ROBO2: variants seen among roughly 807,000 people sequenced by gnomAD.
ROBO2 encodes roundabout guidance receptor 2.
In ROBO2, 53 loss-of-function variants were observed where a neutral mutation model predicts 160.8. The ratio of observed to expected loss-of-function variants is 0.33; its 90% CI spans 0.26 to 0.41. The LOEUF is 0.41. Among genes scored for constraint, ROBO2 ranks in the 10% least tolerant of loss-of-function variants. ROBO2 has a pLI of 1.00. For synonymous variants in ROBO2, 664 were observed against 611.7 expected (o/e 1.09, Z -1.26); for missense variants, 1,577 against 1,722.4 (o/e 0.92, Z 1.49).
At chr3:76,381,034 TAAAA>T (rs57061903) in intron 2 of ROBO2, among the ~76,000 whole-genome samples, 9 of 105,452 alleles carry the variant, frequency 8.5e-5, no homozygotes, top group Admixed American at 1.0e-4. Flanking sequence ...GTGAGCGGAC[TAAAA>T]AAAAAAAAAA....
At chr3:77,094,283 T>C (rs181637856) in intron 1 of ROBO2, among the ~76,000 whole-genome samples, 5 of 152,332 alleles carry the variant, frequency 3.3e-5, no homozygotes, top group Non-Finnish European at 7.4e-5. Context: ...CTTTCACTTA[T>C]ATTTTCAAAG....
intron 2 of ROBO2, among the ~76,000 whole-genome samples, chr3:76,818,034 T>G (rs1325996186): frequency 6.6e-6 from 1 of 152,102 alleles, no homozygotes; most frequent in Non-Finnish European, 1.5e-5. Context: ...GATTGTTGGA[T>G]CAAGTGGTAG....
chr3:76,024,937 GTA>G (rs111727329), intron 2 of ROBO2, among the ~76,000 whole-genome samples: 16 of 147,684 alleles, frequency 1.1e-4, no homozygotes, highest in Admixed American at 1.4e-4. Flanking sequence ...GTGTGTGTGC[GTA>G]TATATATATA....
At chr3:77,494,788 C>G (rs6794442) in intron 5 of ROBO2, among the ~76,000 whole-genome samples, 1 of 152,302 alleles carries the variant, frequency 6.6e-6, no homozygotes, top group East Asian at 1.9e-4. Flanking sequence ...AGGCATGTCA[C>G]TCATGGATTG....
chr3:77,474,575 T>C (rs1380959167), intron 2 of ROBO2, among the ~76,000 whole-genome samples: 1 of 152,122 alleles, frequency 6.6e-6, no homozygotes, highest in Non-Finnish European at 1.5e-5. Context: ...CTGTGGTATG[T>C]GCTCTTCTTT....
intron 2 of ROBO2, chr3:77,317,634 C>A (rs1049256719): frequency 3.3e-5 from 15 of 448,942 alleles, no homozygotes; most frequent in Non-Finnish European, 5.6e-5. Flanking sequence ...GCGGCGGGCT[C>A]TGCGGGGGCT....
chr3:76,004,919 C>T (rs2065979636), intron 2 of ROBO2, among the ~76,000 whole-genome samples: 1 of 152,122 alleles, frequency 6.6e-6, no homozygotes, highest in African/African-American at 2.4e-5. Context: ...TGTGTTGAAA[C>T]ATCATCCAAT....
intron 2 of ROBO2, among the ~76,000 whole-genome samples, chr3:77,193,069 T>A: frequency 6.6e-6 from 1 of 152,080 alleles, no homozygotes; most frequent in East Asian, 1.9e-4. Flanking sequence ...AAAATAAGCA[T>A]TCTTTGAATA....
At chr3:75,917,440 A>G (rs1946858281) in intron 1 of ROBO2, among the ~76,000 whole-genome samples, 2 of 152,162 alleles carry the variant, frequency 1.3e-5, no homozygotes, top group East Asian at 3.9e-4. Flanking sequence ...TCTATCATTG[A>G]TGGGCATTAT....
chr3:76,208,215 A>G (rs1362728237), intron 2 of ROBO2, among the ~76,000 whole-genome samples: 2 of 152,090 alleles, frequency 1.3e-5, no homozygotes, highest in Admixed American at 6.6e-5. Flanking sequence ...GTATTTCCTT[A>G]TAGTGGTGCG....
chr3:76,446,670 A>G (rs2077199338), intron 2 of ROBO2, among the ~76,000 whole-genome samples: 1 of 152,238 alleles, frequency 6.6e-6, no homozygotes, highest in Non-Finnish European at 1.5e-5. Context: ...CCAAAGCAGC[A>G]TGGTACTGGT....
intron 2 of ROBO2, among the ~76,000 whole-genome samples, chr3:77,103,190 C>A (rs1404376742): frequency 6.6e-6 from 1 of 152,116 alleles, no homozygotes; most frequent in Non-Finnish European, 1.5e-5. Context: ...CCCCAGGTGG[C>A]AAATAGATGA....
chr3:76,983,686 T>C (rs1280371910), intron 2 of ROBO2, among the ~76,000 whole-genome samples: 2 of 152,222 alleles, frequency 1.3e-5, no homozygotes, highest in Non-Finnish European at 2.9e-5. Flanking sequence ...GTACCTATTA[T>C]ATGATAGACA....
intron 5 of ROBO2, among the ~76,000 whole-genome samples, chr3:77,494,918 G>T (rs1359134867): frequency 6.6e-6 from 1 of 152,164 alleles, no homozygotes; most frequent in Non-Finnish European, 1.5e-5. Context: ...TATGTAGTGG[G>T]GAAAGTCATC....
In ROBO2 at chr3:77,006,305, TTGTGTGTGTG is replaced by T. The variant is rs60754546; in HGVS notation, c.110-91681_110-91672del. On this transcript the variant is annotated intron_variant, in intron 2 of 26. Transcript: ENST00000487694. ...AATGTTGATAATAGAATTTTAATAT[TTGTGTGTGTG>T]TGTGTGTGTGTGTGTGTGTGTGTGT... Among the ~76,000 whole-genome samples, 1,007 of 143,966 alleles carry T rather than the reference TTGTGTGTGTG, an allele frequency of 7.0e-3. 16 individuals are homozygous for T. The highest frequency in any genetic ancestry group is 0.024 in the African/African-American group (926 of 38,782). 94.4% of individuals were successfully genotyped at this position (143,966 alleles called of 152,430 possible). A position where few individuals can be genotyped will look rare whatever the true frequency, so the allele number is the denominator to read the frequency against.
chr3:77,536,240 G>T (rs77907884), intron 6 of ROBO2, among the ~76,000 whole-genome samples: 2,934 of 152,216 alleles, frequency 0.019, 89 homozygotes, highest in African/African-American at 0.065. Context: ...AGAAGCAGGT[G>T]GGGGGAATGT....
chr3:76,559,539 A>G (rs559425247), intron 2 of ROBO2, among the ~76,000 whole-genome samples: 14 of 152,216 alleles, frequency 9.2e-5, no homozygotes, highest in African/African-American at 3.1e-4. Flanking sequence ...AAGACGAGTC[A>G]CCATTTGGCT....
At chr3:77,551,403 C>G (rs1309629865) in intron 8 of ROBO2, among the ~76,000 whole-genome samples, 1 of 152,024 alleles carries the variant, frequency 6.6e-6, no homozygotes, top group Non-Finnish European at 1.5e-5. Context: ...GTTAGCTAAT[C>G]ACATTAGGAC....
chr3:76,214,778 C>A (rs1703390823), intron 2 of ROBO2, among the ~76,000 whole-genome samples: 1 of 152,222 alleles, frequency 6.6e-6, no homozygotes, highest in African/African-American at 2.4e-5. Context: ...CATCTGCAGA[C>A]TTAAATGTCT....
Sources: gnomAD v4.1 joint callset for allele counts (sites outside exome capture counted in the v4.1 genomes callset) on GRCh38, gnomAD v4.1.1 for gene constraint, MANE v1.5 for transcripts, NCBI Gene and HGNC (gene_info 2026-07-23, HGNC 2026-07-21) for gene names.